Variants in RASSF3 observed in about 807,000 individuals in gnomAD.
RASSF3 encodes ras association domain-containing protein 3.
RASSF3 carries 19 observed loss-of-function variants against 19.9 expected under a neutral mutation model. That is an observed-to-expected ratio of 0.96 (90% confidence interval 0.67 to 1.40). The LOEUF is 1.40. Among genes scored for constraint, RASSF3 ranks in the 40% most tolerant of loss-of-function variants. The pLI is 0.00. For synonymous variants in RASSF3, 110 were observed against 104.2 expected, an observed-to-expected ratio of 1.06 and a Z score of -0.34; for missense variants, 306 against 289.8, an observed-to-expected ratio of 1.06 and a Z score of -0.41.
chr12:64,618,157 G>A (rs1870617024), intron 1 of RASSF3, among the ~76,000 whole-genome samples: 1 of 152,020 alleles, frequency 6.6e-6, no homozygotes, highest in South Asian at 2.1e-4. Context: ...AAGCTAAAAT[G>A]CAATTGTTAT....
chr12:64,656,028 G>GAA (rs11356200), intron 1 of RASSF3, among the ~76,000 whole-genome samples: 2 of 108,704 alleles, frequency 1.8e-5, no homozygotes, highest in African/African-American at 3.7e-5. Flanking sequence ...CTTTGTCTCA[G>GAA]AAAAAAAAAA....
chr12:64,521,039 G>T (rs1159219326), intron 1 of RASSF3, among the ~76,000 whole-genome samples: 1 of 152,170 alleles, frequency 6.6e-6, no homozygotes, highest in African/African-American at 2.4e-5. Flanking sequence ...GTCATCTGTA[G>T]AAGGATGTGG....
In RASSF3 at chr12:64,688,288, A is replaced by G. The variant is rs61743229; in HGVS notation, c.292A>G (p.Asn98Asp). 116 of 1,614,124 alleles carry G rather than the reference A, an allele frequency of 7.2e-5. 1 individual carries two copies. In the African/African-American group the frequency reaches 1.3e-3, roughly 17 times the overall value. Residue 98 changes from asparagine to aspartate, a missense_variant, in exon 3 of 5, where the codon AAT becomes GAT. Coordinates refer to ENST00000542104, the MANE Select transcript of RASSF3 (RefSeq NM_178169.4). ...CTGCAAACCTCCACAGACTTCTCCA[A>G]ATTCTGGAAAACTCTCTCCCAGTAG... ...ELCKPPQTSP[N>D]SGKLSPSSNG... is the part of the protein sequence containing the mutation.
chr12:64,650,408 C>CTTTTTTTTTTT (rs67304103), intron 1 of RASSF3, among the ~76,000 whole-genome samples: 13 of 85,462 alleles, frequency 1.5e-4, no homozygotes, highest in South Asian at 5.0e-4. Flanking sequence ...TTTTTTTTTC[C>CTTTTTTTTTTT]TTTTTTTTTT....
Position 64,594,734 on chromosome 12 carries a change from G to T in RASSF3, c.294+53029G>T, listed in dbSNP as rs547241228. Among the ~76,000 whole-genome samples the T allele has an allele frequency of 9.2e-5, 14 of 152,240 alleles. No individual in the cohort carries two copies. In the East Asian group the frequency reaches 2.7e-3, roughly 29 times the overall value. The stretch of plus-strand genomic sequence containing the variant: ...ACAGCATACCCTTCCCTTTTGCAAA[G>T]AAAATTTACATTTGTAAAGGAAATT... On this transcript the variant is annotated intron_variant, in intron 2 of 5. Transcript: ENST00000637125.
At chr12:64,657,240 G>A (rs1378720687) in intron 1 of RASSF3, among the ~76,000 whole-genome samples, 2 of 152,060 alleles carry the variant, frequency 1.3e-5, no homozygotes, top group African/African-American at 4.8e-5. Context: ...TCGAACTCCT[G>A]ACCTCAAGTG....
intron 1 of RASSF3, among the ~76,000 whole-genome samples, chr12:64,509,477 G>A (rs1267710095): frequency 6.6e-6 from 1 of 151,922 alleles, no homozygotes; most frequent in East Asian, 1.9e-4. Flanking sequence ...TGAGCAAACT[G>A]CCTCCAGAAG....
At chr12:64,665,415 A>T (rs1872513158) in intron 1 of RASSF3, among the ~76,000 whole-genome samples, 1 of 152,160 alleles carries the variant, frequency 6.6e-6, no homozygotes, top group Non-Finnish European at 1.5e-5. Flanking sequence ...GATACACATT[A>T]ATTTTTACTG....
At chr12:64,602,028 A>T (rs1185986187) in intron 2 of RASSF3, among the ~76,000 whole-genome samples, 1 of 149,722 alleles carries the variant, frequency 6.7e-6, no homozygotes, top group African/African-American at 2.5e-5. Flanking sequence ...GAGGCGGGAG[A>T]ATGGGGTGAA....
intron 2 of RASSF3, among the ~76,000 whole-genome samples, chr12:64,560,034 C>G (rs1869322453): frequency 6.6e-6 from 1 of 152,236 alleles, no homozygotes; most frequent in Non-Finnish European, 1.5e-5. Flanking sequence ...ATGGCCACAA[C>G]CTCCCACCAG....
At chr12:64,606,366 A>G (rs577598313), upstream of RASSF3, among the ~76,000 whole-genome samples, 7 of 152,342 alleles carry the variant, frequency 4.6e-5, no homozygotes, top group East Asian at 1.2e-3. Context: ...AATGTTAAGT[A>G]TGCAATAAGG....
At chr12:64,540,643 C>A (rs1868919137) in intron 1 of RASSF3, among the ~76,000 whole-genome samples, 1 of 152,192 alleles carries the variant, frequency 6.6e-6, no homozygotes, top group South Asian at 2.1e-4. Context: ...TATGCTACAA[C>A]ATGTATGAAT....
At chr12:64,603,790 T>C (rs1870136449) in intron 2 of RASSF3, among the ~76,000 whole-genome samples, 1 of 152,226 alleles carries the variant, frequency 6.6e-6, no homozygotes, top group Non-Finnish European at 1.5e-5. Context: ...TTAGATAATA[T>C]GCTGTGGGTC....
rs1407228307 is a variant in RASSF3, at chr12:64,695,747, G to A, written c.*835G>A. ...TCAGGCAGGTGTAGCCTACTGACCT[G>A]GGCAGAGGTGGGCCTCACGCAGCTG... On this transcript the variant is annotated 3_prime_UTR_variant, in exon 5 of 5. Coordinates refer to ENST00000542104, the MANE Select transcript of RASSF3 (RefSeq NM_178169.4). 6.6e-6 allele frequency: 1 copy of A among 152,290 alleles called. No homozygotes were observed. Among genetic ancestry groups the A allele is most frequent in the East Asian group, 1.9e-4 (1 of 5,192 alleles). 9.4% of individuals were successfully genotyped at this position (152,290 alleles called of 1,614,324 possible).
chr12:64,550,485 C>G (rs1195534069), intron 2 of RASSF3, among the ~76,000 whole-genome samples: 1 of 151,722 alleles, frequency 6.6e-6, no homozygotes, highest in Non-Finnish European at 1.5e-5. Flanking sequence ...GCCAACGTGG[C>G]GAAACCCTAT....
intron 1 of RASSF3, among the ~76,000 whole-genome samples, chr12:64,617,888 TGGAAG>T (rs1870608799): frequency 6.6e-6 from 1 of 152,194 alleles, no homozygotes; most frequent in African/African-American, 2.4e-5. Flanking sequence ...AATGTTGACG[TGGAAG>T]TGTATCACTT....
intron 2 of RASSF3, among the ~76,000 whole-genome samples, chr12:64,568,313 G>A (rs572464058): frequency 3.3e-5 from 5 of 152,320 alleles, no homozygotes; most frequent in Admixed American, 6.5e-5. Flanking sequence ...GATTACAGGC[G>A]TGAGCCATCA....
At chr12:64,653,901 G>A (rs957848650) in intron 1 of RASSF3, among the ~76,000 whole-genome samples, 2 of 152,086 alleles carry the variant, frequency 1.3e-5, no homozygotes, top group South Asian at 2.1e-4. Context: ...CACTGCCTGC[G>A]GGATGGTGGC....
intron 2 of RASSF3, among the ~76,000 whole-genome samples, chr12:64,568,763 G>A (rs1565840799): frequency 6.6e-6 from 1 of 151,786 alleles, no homozygotes; most frequent in Non-Finnish European, 1.5e-5. Context: ...AGGCTGGAGT[G>A]CAGTGGCATG....
Sources: gnomAD v4.1 joint callset for allele counts (sites outside exome capture counted in the v4.1 genomes callset) on GRCh38, gnomAD v4.1.1 for gene constraint, MANE v1.5 for transcripts, NCBI Gene and HGNC (gene_info 2026-07-23, HGNC 2026-07-21) for gene names.